The following ABL1 variants were observed in gnomAD, a reference collection of about 807,000 sequenced individuals.
ABL1 encodes the protein tyrosine-protein kinase ABL1.
A neutral mutation model predicts 94.7 loss-of-function variants in ABL1; 11 were observed. That is an observed-to-expected ratio of 0.12 (90% CI 0.07 to 0.19). The LOEUF is 0.19. Ranked by LOEUF, ABL1 falls within the 10% of genes least tolerant of loss-of-function variation. The probability of loss-of-function intolerance (pLI) is 1.00; values close to 1 mark genes in which losing one functional copy is unlikely to be tolerated. For synonymous variants in ABL1, 656 were observed against 622.4 expected (o/e 1.05, Z -0.80); for missense variants, 1,082 against 1,489.4 (o/e 0.73, Z 4.50).
At chr9:130,859,925 C>T (rs1429670074) in intron 3 of ABL1, among the ~76,000 whole-genome samples, 1 of 151,972 alleles carries the variant, frequency 6.6e-6, no homozygotes, top group African/African-American at 2.4e-5. Context: ...GTGATCTGCC[C>T]TCCTTGGCCT....
chr9:130,834,812 C>T (rs749834263), upstream of ABL1: 106 of 449,664 alleles, frequency 2.4e-4, no homozygotes, highest in Non-Finnish European at 3.9e-4. Flanking sequence ...ACAGGACGCG[C>T]GTTGAGTAGA....
intron 1 of ABL1, among the ~76,000 whole-genome samples, chr9:130,844,180 G>C (rs1425286070): frequency 6.6e-6 from 1 of 152,188 alleles, no homozygotes; most frequent in Non-Finnish European, 1.5e-5. Context: ...GAGTGACCTG[G>C]TCAGGTCTGC....
intron 1 of ABL1, among the ~76,000 whole-genome samples, chr9:130,796,965 CA>C (rs1253088709): frequency 7.0e-6 from 1 of 143,680 alleles, no homozygotes; most frequent in Non-Finnish European, 1.5e-5. Flanking sequence ...TGGCCAGGCA[CA>C]GTGGCTCACG....
chr9:130,812,089 G>A (rs542196771), intron 1 of ABL1, among the ~76,000 whole-genome samples: 1 of 151,372 alleles, frequency 6.6e-6, no homozygotes, highest in Non-Finnish European at 1.5e-5. Flanking sequence ...TAAGGGCCAG[G>A]CAGAGTGGCT....
intron 1 of ABL1, among the ~76,000 whole-genome samples, chr9:130,794,165 T>C (rs1009348549): frequency 3.9e-5 from 6 of 152,002 alleles, no homozygotes; most frequent in African/African-American, 9.7e-5. Context: ...TGTGGAAAAA[T>C]TGTCTTCCAC....
chr9:130,716,027 C>T (rs550878745), intron 1 of ABL1, among the ~76,000 whole-genome samples: 31 of 143,458 alleles, frequency 2.2e-4, no homozygotes, highest in Middle Eastern at 3.7e-3. Flanking sequence ...TATATATATA[C>T]ACACACACAC....
chr9:130,744,891 T>C (rs1198611870), intron 1 of ABL1, among the ~76,000 whole-genome samples: 2 of 151,528 alleles, frequency 1.3e-5, no homozygotes, highest in Admixed American at 1.3e-4. Flanking sequence ...ATCTTTTCTC[T>C]CTGGTTTCTT....
chr9:130,823,867 G>GT (rs1830394165), intron 1 of ABL1, among the ~76,000 whole-genome samples: 2 of 152,334 alleles, frequency 1.3e-5, no homozygotes, highest in Middle Eastern at 3.4e-3. Context: ...GAGAGCCAGT[G>GT]TTGGGATTGC....
At chr9:130,726,565 A>G (rs1831589054) in intron 1 of ABL1, among the ~76,000 whole-genome samples, 1 of 151,972 alleles carries the variant, frequency 6.6e-6, no homozygotes, top group African/African-American at 2.4e-5. Context: ...TAATCTTTTC[A>G]AAAAAAATTT....
At chr9:130,858,781 T>C (rs1564314003) in intron 3 of ABL1, among the ~76,000 whole-genome samples, 1 of 152,192 alleles carries the variant, frequency 6.6e-6, no homozygotes, top group African/African-American at 2.4e-5. Context: ...ATTTTTAAAT[T>C]AGCTCATCTT....
chr9:130,823,708 C>A (rs1165637735), intron 1 of ABL1, among the ~76,000 whole-genome samples: 1 of 152,154 alleles, frequency 6.6e-6, no homozygotes, highest in Non-Finnish European at 1.5e-5. Context: ...CACTTTTGCC[C>A]ACATACCATC....
chr9:130,864,765 CA>C (rs1258891319), intron 4 of ABL1, among the ~76,000 whole-genome samples: 1 of 152,146 alleles, frequency 6.6e-6, no homozygotes, highest in East Asian at 1.9e-4. Context: ...GCAGGTGCCC[CA>C]GCTCCTTGGG....
Position 130,814,876 on chromosome 9 carries a change from CAAAAA to C in ABL1, c.137-39185_137-39181del, listed in dbSNP as rs918477979. ...TGGGTGACAGAGCCAGACTCTGTCT[CAAAAA>C]AATAAAATAAAATAAAAATAAAGTT... is the stretch of plus-strand genomic sequence containing the variant. On this transcript the variant is annotated intron_variant, in intron 1 of 10. Coordinates refer to the ABL1 transcript ENST00000372348. The surrounding 1 kb of genome is among the most constrained non-coding windows in gnomAD (Gnocchi z 4.4). Among the ~76,000 whole-genome samples the C allele has an allele frequency of 1.4e-5, 2 of 142,534 alleles. No homozygotes were observed. The highest frequency in any genetic ancestry group is 2.8e-5 in the African/African-American group (1 of 35,390). 93.5% of individuals were successfully genotyped at this position (142,534 alleles called of 152,430 possible).
intron 1 of ABL1, among the ~76,000 whole-genome samples, chr9:130,744,716 G>A (rs555125302): frequency 6.6e-6 from 1 of 151,118 alleles, no homozygotes; most frequent in Admixed American, 6.6e-5. Context: ...AATTAGCCGA[G>A]CGTAGTGGTG....
At chr9:130,844,622 G>A (rs1447708247) in intron 1 of ABL1, among the ~76,000 whole-genome samples, 1 of 152,072 alleles carries the variant, frequency 6.6e-6, no homozygotes, top group African/African-American at 2.4e-5. Flanking sequence ...CCAACATGGT[G>A]AAACCCCGTC....
chr9:130,833,414 T>C (rs888289125), upstream of ABL1, among the ~76,000 whole-genome samples: 1 of 152,162 alleles, frequency 6.6e-6, no homozygotes, highest in African/African-American at 2.4e-5. Flanking sequence ...CGTGTAGAGG[T>C]TGACAGATTC....
intron 1 of ABL1, among the ~76,000 whole-genome samples, chr9:130,759,738 G>A (rs190396257): frequency 1.1e-4 from 17 of 152,064 alleles, no homozygotes; most frequent in Admixed American, 3.9e-4. Flanking sequence ...TGGTGGAGCC[G>A]GTATAGGAGG....
intron 1 of ABL1, among the ~76,000 whole-genome samples, chr9:130,823,396 C>T (rs1830388821): frequency 6.6e-6 from 1 of 152,146 alleles, no homozygotes; most frequent in Admixed American, 6.6e-5. Flanking sequence ...CGAGTTAGAA[C>T]TGACCTTTTA....
chr9:130,807,160 G>T (rs1830136388), intron 1 of ABL1, among the ~76,000 whole-genome samples: 1 of 151,238 alleles, frequency 6.6e-6, no homozygotes, highest in African/African-American at 2.4e-5. Flanking sequence ...AAAAAAAAAA[G>T]TTTGCTTTTA....
Sources: allele counts gnomAD v4.1 joint callset (sites outside exome capture counted in the v4.1 genomes callset), GRCh38; gene constraint gnomAD v4.1.1; non-coding constraint Gnocchi (gnomAD v3.1); transcripts MANE v1.5; gene names NCBI Gene and HGNC (gene_info 2026-07-23, HGNC 2026-07-21).